ASPH: variants seen among roughly 807,000 people sequenced by gnomAD.
ASPH encodes aspartate beta-hydroxylase.
In ASPH, 100 loss-of-function variants were observed where a neutral mutation model predicts 118.4. The ratio of observed to expected loss-of-function variants is 0.84; its 90% CI spans 0.72 to 1.00. ASPH has a LOEUF of 1.00. Among genes scored for constraint, ASPH ranks in the 50% least tolerant of loss-of-function variants. The pLI is 0.00. For synonymous variants in ASPH, 315 were observed against 325.6 expected, an observed-to-expected ratio of 0.97 and a Z score of 0.35; for missense variants, 920 against 919.5, an observed-to-expected ratio of 1.00 and a Z score of -0.01.
intron 19 of ASPH, among the ~76,000 whole-genome samples, chr8:61,554,074 C>A (rs1826968840): frequency 6.6e-6 from 1 of 152,186 alleles, no homozygotes; most frequent in Admixed American, 6.5e-5. Flanking sequence ...TCTTGCTTTC[C>A]CTATCTCTGA....
At chr8:61,712,368 T>A (rs1838257731) in intron 1 of ASPH, among the ~76,000 whole-genome samples, 1 of 152,206 alleles carries the variant, frequency 6.6e-6, no homozygotes, top group African/African-American at 2.4e-5. Context: ...CCATACCCAG[T>A]GCCTTCTATC....
chr8:61,713,484 CAT>C (rs1176534094), intron 1 of ASPH, among the ~76,000 whole-genome samples: 4 of 152,200 alleles, frequency 2.6e-5, no homozygotes, highest in African/African-American at 7.2e-5. Flanking sequence ...ATTCCATACA[CAT>C]GTGTATTGCA....
chr8:61,667,904 T>C (rs1232852415), intron 3 of ASPH, among the ~76,000 whole-genome samples: 4 of 152,174 alleles, frequency 2.6e-5, no homozygotes, highest in African/African-American at 9.7e-5. Flanking sequence ...AGAAAGGTTT[T>C]AGGGAACAAG....
At chr8:61,673,038 A>G (rs1823391322) in intron 3 of ASPH, among the ~76,000 whole-genome samples, 1 of 152,254 alleles carries the variant, frequency 6.6e-6, no homozygotes, top group African/African-American at 2.4e-5. Context: ...AGTCACAAAC[A>G]TCAAGGTAGA....
At chr8:61,594,760 A>G (rs921714705) in intron 14 of ASPH, among the ~76,000 whole-genome samples, 7 of 152,236 alleles carry the variant, frequency 4.6e-5, no homozygotes. Context: ...GTGTGTATGT[A>G]TAGGAAAAAA....
chr8:61,684,151 G>A lies in ASPH; in HGVS notation c.141C>T (p.Gly47=), dbSNP rs374776621. ...KHGGHKNGRK[G]GLSGTSFFTW... ...TGAAGAATGAAGTTCCTGAGAGTCC[G>A]CCTTTCCTCCCATTCTTGTGTCCTC... The change falls in exon 2 of 25, where the codon GGC becomes GGT. Residue 47 remains glycine (G), a synonymous_variant. Transcript: ENST00000379454. 36 of 1,613,244 alleles carry A rather than the reference G, an allele frequency of 2.2e-5. No homozygotes were observed. The highest frequency in any genetic ancestry group is 1.5e-4 in the African/African-American group (11 of 74,848).
chr8:61,574,299 A>C (rs1834392515), intron 16 of ASPH, among the ~76,000 whole-genome samples: 1 of 152,260 alleles, frequency 6.6e-6, no homozygotes, highest in Admixed American at 6.5e-5. Context: ...GTAATTCCTC[A>C]AGGATCTAGA....
chr8:61,676,367 G>T (rs1272166867), intron 3 of ASPH: 3 of 1,504,964 alleles, frequency 2.0e-6, no homozygotes, highest in African/African-American at 1.4e-5. Flanking sequence ...AGAGCAGTTA[G>T]GTGGAAAAAA....
chr8:61,506,200 T>C (rs781659863), intron 24 of ASPH, among the ~76,000 whole-genome samples: 12 of 152,262 alleles, frequency 7.9e-5, no homozygotes, highest in Non-Finnish European at 1.3e-4. Flanking sequence ...GAGGACATTA[T>C]GTCAAGTAAA....
At chr8:61,638,239 C>A in intron 11 of ASPH, 83 bp downstream of exon 11, 1 of 1,496,958 alleles carries the variant, frequency 6.7e-7, no homozygotes, top group South Asian at 1.2e-5. Context: ...TCTACACTGA[C>A]TCTTTGTTCC....
At chr8:61,589,903 G>A (rs917280216) in intron 14 of ASPH, among the ~76,000 whole-genome samples, 1 of 152,138 alleles carries the variant, frequency 6.6e-6, no homozygotes, top group African/African-American at 2.4e-5. Flanking sequence ...AATCTATTTG[G>A]GAGGGGAGCC....
At chr8:61,534,336 T>G (rs1353311390) in intron 21 of ASPH, among the ~76,000 whole-genome samples, 1 of 152,218 alleles carries the variant, frequency 6.6e-6, no homozygotes, top group East Asian at 1.9e-4. Context: ...TCTTGTAATA[T>G]GTAATCCAAC....
At chr8:61,628,286 A>T in intron 13 of ASPH, 1 of 311,602 alleles carries the variant, frequency 3.2e-6, no homozygotes, top group South Asian at 2.6e-5. Flanking sequence ...CAGCCTTCTG[A>T]GTAGCTAGGA....
At chr8:61,528,772 T>A (rs1433517617) in intron 21 of ASPH, among the ~76,000 whole-genome samples, 1 of 152,174 alleles carries the variant, frequency 6.6e-6, no homozygotes, top group East Asian at 1.9e-4. Flanking sequence ...CCAAGGTACT[T>A]TTCGTGAATA....
At chr8:61,632,709 T>A in intron 13 of ASPH, 1 of 460,058 alleles carries the variant, frequency 2.2e-6, no homozygotes, top group South Asian at 1.7e-5. Flanking sequence ...AGGACAACTA[T>A]CAAAACCTAA....
intron 24 of ASPH, among the ~76,000 whole-genome samples, chr8:61,507,888 T>C (rs987350961): frequency 2.0e-5 from 3 of 152,228 alleles, no homozygotes; most frequent in Non-Finnish European, 4.4e-5. Flanking sequence ...CTGGAAGTAC[T>C]GTTACAGCCT....
At chr8:61,543,987 G>A (rs558418947) in intron 21 of ASPH, among the ~76,000 whole-genome samples, 2 of 152,218 alleles carry the variant, frequency 1.3e-5, no homozygotes, top group African/African-American at 2.4e-5. Flanking sequence ...ACAATGTCCT[G>A]AGAATGCAGC....
At chr8:61,554,635 A>G (rs909900904) in intron 19 of ASPH, among the ~76,000 whole-genome samples, 1 of 152,220 alleles carries the variant, frequency 6.6e-6, no homozygotes, top group African/African-American at 2.4e-5. Context: ...AGTGGCCATC[A>G]TATTGGAGAA....
At chr8:61,592,053 CCA>C (rs1299843207) in intron 14 of ASPH, among the ~76,000 whole-genome samples, 6 of 152,164 alleles carry the variant, frequency 3.9e-5, no homozygotes, top group Admixed American at 3.9e-4. Flanking sequence ...GGTAGAAGGA[CCA>C]CAGAGTACAA....
Sources: gnomAD v4.1 joint callset for allele counts (sites outside exome capture counted in the v4.1 genomes callset) on GRCh38, gnomAD v4.1.1 for gene constraint, MANE v1.5 for transcripts, NCBI Gene and HGNC (gene_info 2026-07-23, HGNC 2026-07-21) for gene names.